PPP2R2B: variants seen among roughly 807,000 people sequenced by gnomAD.
The protein encoded by PPP2R2B is serine/threonine-protein phosphatase 2A 55 kDa regulatory subunit B beta isoform.
In PPP2R2B, 5 loss-of-function variants were observed where a neutral mutation model predicts 46.0. The observed-to-expected ratio is 0.11, with a 90% CI of 0.06 to 0.23. The LOEUF (loss-of-function observed/expected upper bound fraction) is 0.23, where lower values mean the gene tolerates loss of function less well. PPP2R2B is among the 10% of genes least tolerant of loss of function. PPP2R2B has a pLI of 1.00. For missense variants in PPP2R2B, 367 were observed against 575.0 expected (o/e 0.64, Z 3.70); for synonymous variants, 215 against 206.7 (o/e 1.04, Z -0.34).
intron 1 of PPP2R2B, among the ~76,000 whole-genome samples, chr5:146,983,321 C>T (rs1753266785): frequency 6.6e-6 from 1 of 151,660 alleles, no homozygotes; most frequent in East Asian, 1.9e-4. Context: ...GCTGGGACTA[C>T]AGGCGTCCGC....
intron 1 of PPP2R2B, among the ~76,000 whole-genome samples, chr5:147,020,118 T>G (rs1432166894): frequency 6.6e-6 from 1 of 152,120 alleles, no homozygotes; most frequent in Non-Finnish European, 1.5e-5. Context: ...TTGCATCACT[T>G]TCTATAGCTT....
At chr5:146,912,084 A>G (rs1451840482) in intron 1 of PPP2R2B, among the ~76,000 whole-genome samples, 2 of 151,978 alleles carry the variant, frequency 1.3e-5, no homozygotes, top group African/African-American at 4.8e-5. Context: ...CTAAAATACA[A>G]AAAAGTTAGC....
intron 6 of PPP2R2B, among the ~76,000 whole-genome samples, chr5:146,643,618 A>G (rs1775374757): frequency 6.6e-6 from 1 of 152,170 alleles, no homozygotes; most frequent in South Asian, 2.1e-4. Context: ...GTGAGGGATA[A>G]AAGACTACAA....
intron 1 of PPP2R2B, among the ~76,000 whole-genome samples, chr5:146,940,172 T>C (rs747425180): frequency 1.3e-5 from 2 of 152,200 alleles, no homozygotes; most frequent in Non-Finnish European, 2.9e-5. Context: ...ATTTTCTTCT[T>C]TCTCTGGATA....
At chr5:146,824,641 C>G (rs1257566588) in intron 2 of PPP2R2B, among the ~76,000 whole-genome samples, 2 of 151,798 alleles carry the variant, frequency 1.3e-5, no homozygotes, top group Non-Finnish European at 2.9e-5. Flanking sequence ...TTGAAACGGG[C>G]TTTAACAGAG....
In PPP2R2B at chr5:146,587,829, A is replaced by C. The variant is rs1347451181; in HGVS notation, c.*2118T>G. ...AGGAGGCTAAGTCTTGCTTTTAAGA[A>C]AAGGTGACTTAAAAAAATGTTACAT... On this transcript the variant is annotated 3_prime_UTR_variant, in exon 10 of 10. Coordinates refer to ENST00000394411, the MANE Select transcript of PPP2R2B (RefSeq NM_181675.4). 1 of 152,212 alleles carries C rather than the reference A, an allele frequency of 6.6e-6. No homozygotes were observed. The highest frequency in any genetic ancestry group is 1.5e-5 in the Non-Finnish European group (1 of 68,034). The allele number at this position is 152,212 out of a possible 1,614,324, so 9.4% of individuals were successfully genotyped here.
chr5:147,078,254 C>T lies in PPP2R2B; in HGVS notation c.50+2805G>A, dbSNP rs138891297. Reference sequence around the variant, plus strand: ...GTACTTACAAAGTATTGAGCACTGACGCCAATGCTGTATCTGTATTATCTT... The same window carrying T: ...GTACTTACAAAGTATTGAGCACTGATGCCAATGCTGTATCTGTATTATCTT... On this transcript the variant is annotated intron_variant, in intron 2 of 10. Coordinates refer to the PPP2R2B transcript ENST00000394413. Among the ~76,000 whole-genome samples, 36 of 152,224 alleles carry T rather than the reference C, an allele frequency of 2.4e-4. No homozygotes were observed. The East Asian group carries it at 4.8e-3, about 20-fold the overall frequency.
chr5:146,632,934 G>A (rs1046825365), intron 7 of PPP2R2B, among the ~76,000 whole-genome samples: 1 of 152,154 alleles, frequency 6.6e-6, no homozygotes, highest in South Asian at 2.1e-4. Flanking sequence ...TACGGGGCAC[G>A]TTGGAAAGGA....
chr5:146,643,818 G>C (rs1775389432), intron 6 of PPP2R2B, among the ~76,000 whole-genome samples: 1 of 152,170 alleles, frequency 6.6e-6, no homozygotes, highest in Non-Finnish European at 1.5e-5. Context: ...CTGTGAATAT[G>C]CCTGATATAT....
At chr5:146,797,054 A>G (rs1201907339) in intron 2 of PPP2R2B, among the ~76,000 whole-genome samples, 1 of 152,188 alleles carries the variant, frequency 6.6e-6, no homozygotes, top group Non-Finnish European at 1.5e-5. Flanking sequence ...TTAGCTCTCA[A>G]CGTTCCCACT....
intron 2 of PPP2R2B, among the ~76,000 whole-genome samples, chr5:146,799,367 T>C (rs997677837): frequency 1.3e-5 from 2 of 152,184 alleles, no homozygotes; most frequent in Non-Finnish European, 2.9e-5. Flanking sequence ...TAAATGCCAG[T>C]GCTGTAAGAG....
At chr5:146,731,088 C>T (rs537926619) in intron 2 of PPP2R2B, among the ~76,000 whole-genome samples, 1 of 152,278 alleles carries the variant, frequency 6.6e-6, no homozygotes, top group Admixed American at 6.5e-5. Context: ...CCAGCTGGCT[C>T]CTTTTCCAAT....
At chr5:146,875,303 G>A (rs1184494212) in intron 2 of PPP2R2B, among the ~76,000 whole-genome samples, 2 of 152,120 alleles carry the variant, frequency 1.3e-5, no homozygotes, top group East Asian at 3.9e-4. Context: ...AAAGGTAGGG[G>A]AGGGTGGTAA....
At chr5:146,739,364 G>A (rs984678978) in intron 2 of PPP2R2B, among the ~76,000 whole-genome samples, 12 of 152,288 alleles carry the variant, frequency 7.9e-5, no homozygotes, top group African/African-American at 2.2e-4. Flanking sequence ...GGGAAGCATC[G>A]TGGAGAAAGC....
intron 1 of PPP2R2B, among the ~76,000 whole-genome samples, chr5:146,975,327 G>A (rs1752850482): frequency 6.6e-6 from 1 of 152,176 alleles, no homozygotes; most frequent in Non-Finnish European, 1.5e-5. Context: ...TATAGCATGA[G>A]TAAGAATTTC....
chr5:146,610,039 G>T lies in PPP2R2B; in HGVS notation c.791-9579C>A, dbSNP rs1772723283. 3.2e-5 allele frequency among the ~76,000 whole-genome samples: 4 copies of T among 124,336 alleles called. No individual in the cohort carries two copies. The South Asian group carries it at 1.2e-3, about 37-fold the overall frequency. The allele number at this position is 124,336 out of a possible 152,430, so 81.6% of individuals were successfully genotyped here. On this transcript the variant is annotated intron_variant, in intron 7 of 9. Coordinates refer to ENST00000394411, the MANE Select transcript of PPP2R2B (RefSeq NM_181675.4). Reference sequence around the variant, plus strand: ...CTGCCTCTGTGGGCTCCACCTCTGGGGGCAGGGCACAGACAAACAAAAAGA... The same window carrying T: ...CTGCCTCTGTGGGCTCCACCTCTGGTGGCAGGGCACAGACAAACAAAAAGA...
chr5:146,988,519 T>A (rs546558567), intron 1 of PPP2R2B, among the ~76,000 whole-genome samples: 4 of 152,046 alleles, frequency 2.6e-5, no homozygotes, highest in Non-Finnish European at 5.9e-5. Flanking sequence ...GAAAAACTAA[T>A]GGGTCAATGA....
chr5:147,029,469 A>G (rs1755678208), intron 1 of PPP2R2B, among the ~76,000 whole-genome samples: 1 of 152,124 alleles, frequency 6.6e-6, no homozygotes, highest in South Asian at 2.1e-4. Flanking sequence ...TCTGGACTTT[A>G]TTATATTCCA....
intron 2 of PPP2R2B, among the ~76,000 whole-genome samples, chr5:146,872,303 T>A (rs1272130374): frequency 6.6e-6 from 1 of 152,186 alleles, no homozygotes; most frequent in Non-Finnish European, 1.5e-5. Flanking sequence ...TCATTTACAA[T>A]AGTGTAAGGC....
Sources: gnomAD v4.1 joint callset for allele counts (sites outside exome capture counted in the v4.1 genomes callset) on GRCh38, gnomAD v4.1.1 for gene constraint, MANE v1.5 for transcripts, NCBI Gene and HGNC (gene_info 2026-07-23, HGNC 2026-07-21) for gene names.